The following RASA3 variants were observed in gnomAD, a reference collection of about 807,000 sequenced individuals.
RASA3 encodes RAS p21 protein activator 3, also known as ras GTPase-activating protein 3.
Under a neutral mutation model 110.0 loss-of-function variants are expected in RASA3, and 73 were observed. The ratio of observed to expected loss-of-function variants is 0.66; its 90% confidence interval spans 0.55 to 0.81. RASA3 has a LOEUF of 0.81. Among genes scored for constraint, RASA3 ranks in the 30% least tolerant of loss-of-function variants. RASA3 has a pLI of 0.00. For synonymous variants in RASA3, 500 were observed against 451.4 expected (o/e 1.11, Z -1.37); for missense variants, 976 against 1,113.2 (o/e 0.88, Z 1.75).
chr13:114,125,371 G>A (rs1478756149), intron 1 of RASA3, among the ~76,000 whole-genome samples: 2 of 152,138 alleles, frequency 1.3e-5, no homozygotes, highest in Non-Finnish European at 2.9e-5. Context: ...GGGAGGCCTC[G>A]GGAAGCTTCC....
rs553830987 is a variant in RASA3, at chr13:114,088,475, G to T, written c.56-14638C>A. ...CCCCCTAGGGAAAGGAATGCCTGAA[G>T]AATCACACTTCGACTTCCTTATCTG... On this transcript the variant is annotated intron_variant, in intron 1 of 23. Transcript: ENST00000334062. 3.9e-5 allele frequency among the ~76,000 whole-genome samples: 6 copies of T among 152,248 alleles called. 1 individual carries two copies. The highest frequency in any genetic ancestry group is 1.4e-4 in the African/African-American group (6 of 41,540).
intron 1 of RASA3, among the ~76,000 whole-genome samples, chr13:114,105,077 C>T (rs1594461366): frequency 6.6e-6 from 1 of 152,074 alleles, no homozygotes; most frequent in African/African-American, 2.4e-5. Context: ...ACTATGACCT[C>T]CCCAAGCCCC....
At position 114,024,268 on chromosome 13, in the gene RASA3, G is replaced by A; in HGVS notation, c.680+11C>T. 1 of 1,613,570 alleles carries A rather than the reference G, an allele frequency of 6.2e-7. No individual in the cohort carries two copies. Among genetic ancestry groups the A allele is most frequent in the Non-Finnish European group, 8.5e-7 (1 of 1,179,556 alleles). ...CTGCCAAGTTGGGGACGCGGAGCCT[G>A]GTTTTCTCACCTGATTTCGAGCTTG... On this transcript the variant is annotated intron_variant, in intron 8 of 23. Coordinates refer to ENST00000334062, the MANE Select transcript of RASA3 (RefSeq NM_007368.4).
intron 4 of RASA3, among the ~76,000 whole-genome samples, chr13:114,030,180 G>A (rs1009430200): frequency 3.3e-5 from 5 of 152,264 alleles, no homozygotes; most frequent in Non-Finnish European, 7.3e-5. Context: ...CCGTGTAGGA[G>A]ACGGTCATTC....
At chr13:113,989,391 C>T (rs9590490) in intron 22 of RASA3, among the ~76,000 whole-genome samples, 5,992 of 143,900 alleles carry the variant, frequency 0.042, 450 homozygotes, top group African/African-American at 0.15. Flanking sequence ...CTCACCCATC[C>T]GTCCATCCAT....
chr13:114,046,162 G>T (rs914837723), intron 3 of RASA3, among the ~76,000 whole-genome samples: 2 of 152,246 alleles, frequency 1.3e-5, no homozygotes, highest in African/African-American at 4.8e-5. Context: ...TACAATGTAA[G>T]ACCTGCTATG....
In RASA3 at chr13:114,021,582, T is replaced by A. The variant is rs2053928367; in HGVS notation, c.681-74A>T. 6 of 1,238,212 alleles carry A rather than the reference T, an allele frequency of 4.8e-6. No individual in the cohort carries two copies. The African/African-American group carries it at 8.8e-5, about 18-fold the overall frequency. 76.7% of individuals were successfully genotyped at this position (1,238,212 alleles called of 1,614,324 possible). A position where few individuals can be genotyped will look rare whatever the true frequency, so the allele number is the denominator to read the frequency against. ...TGGAGCAAAGATGACAGGCCACGCT[T>A]TGTTCCCCCAGGAGCAGAATGGAGC... On this transcript the variant is annotated intron_variant, in intron 8 of 23. Coordinates refer to ENST00000334062, the MANE Select transcript of RASA3 (RefSeq NM_007368.4).
rs1004506034 is a variant in RASA3, at chr13:114,060,062, T to G, written c.174-7907A>C. Among the ~76,000 whole-genome samples the G allele has an allele frequency of 6.6e-5, 10 of 152,078 alleles. No individual in the cohort carries two copies. In the South Asian group the frequency reaches 2.1e-3, roughly 32 times the overall value. ...ACCCGCAGGAGGACAAGGGAACGCA[T>G]GAATGAGGCCATGGACGGCGCGGAG... On this transcript the variant is annotated intron_variant, in intron 2 of 23. Coordinates refer to ENST00000334062, the MANE Select transcript of RASA3 (RefSeq NM_007368.4).
intron 4 of RASA3, among the ~76,000 whole-genome samples, chr13:114,038,103 G>C (rs903853184): frequency 3.4e-4 from 51 of 151,224 alleles, no homozygotes; most frequent in Non-Finnish European, 6.2e-4. Context: ...GCAAGAAAGA[G>C]GAAAAGCTAC....
At chr13:114,131,098 G>C (rs1190499014) in intron 1 of RASA3, among the ~76,000 whole-genome samples, 1 of 152,244 alleles carries the variant, frequency 6.6e-6, no homozygotes, top group Non-Finnish European at 1.5e-5. Context: ...CCACATCCTA[G>C]CTGCAGCGCT....
Position 114,073,811 on chromosome 13 carries a change from G to C in RASA3, c.82C>G (p.Pro28Ala), listed in dbSNP as rs1471786994. 1 of 1,614,068 alleles carries C rather than the reference G, an allele frequency of 6.2e-7. No individual in the cohort carries two copies. Among genetic ancestry groups the C allele is most frequent in the Non-Finnish European group, 8.5e-7 (1 of 1,180,036 alleles). Residue 28 changes from proline to alanine, a missense_variant, in exon 2 of 24, where the codon CCG becomes GCG. Physicochemically the swap from Pro to Ala is conservative, Grantham distance 27. Around this residue, in one of 4 missense-constraint regions of RASA3, gnomAD observed 732 missense variants for 779.7 expected, o/e 0.94. Transcript: ENST00000334062. The part of the protein sequence containing the change: ...IGEAKNLPSY[P>A]GPSKMRDCYC... ...CAATCCCTCATCTTGCTCGGCCCCG[G>C]GTAAGAGGGAAGGTTTTTGGCTTCA...
At position 114,112,102 on chromosome 13, in the gene RASA3, C is replaced by CA. The variant is rs948555632; in HGVS notation, c.55+20332_55+20333insT. ...CTGGAAACAGCAGCCCCCAGGCACC[C>CA]CCCCCAGCAACTGGGACAAGGGCAC... On this transcript the variant is annotated intron_variant, in intron 1 of 23. Coordinates refer to ENST00000334062, the MANE Select transcript of RASA3 (RefSeq NM_007368.4). This position sits in a 1 kb window ranked among gnomAD's most constrained non-coding sequence, Gnocchi z 4.8. Among the ~76,000 whole-genome samples the CA allele has an allele frequency of 5.9e-5, 9 of 151,700 alleles. No homozygotes were observed. Among genetic ancestry groups the CA allele is most frequent in the Non-Finnish European group, 2.9e-5 (2 of 67,922 alleles).
intron 1 of RASA3, among the ~76,000 whole-genome samples, chr13:114,104,372 C>T (rs1400975402): frequency 6.6e-6 from 1 of 151,958 alleles, no homozygotes; most frequent in Non-Finnish European, 1.5e-5. Context: ...TCCACACTGC[C>T]CCAGCCACAG....
In RASA3 at chr13:114,041,035, G is replaced by C. The variant is rs2054394495; in HGVS notation, c.337C>G (p.Gln113Glu). The change falls in exon 4 of 24, where the codon CAG becomes GAG. Residue 113 changes from glutamine (Q) to glutamate (E), a missense_variant. Gln to Glu is a conservative substitution (Grantham distance 29). Transcript: ENST00000334062. ...GAGTCAGCGTCCACGTGCTGCAGCTGGAACCAGGTGTCCCTGTTGTGGTAC... is the reference window on the plus strand; with the variant it reads ...GAGTCAGCGTCCACGTGCTGCAGCTCGAACCAGGTGTCCCTGTTGTGGTAC... ...QKYHNRDTWF[Q>E]LQHVDADSEV... 6.2e-7 allele frequency: 1 copy of C among 1,613,706 alleles called. No homozygotes were observed. The highest frequency in any genetic ancestry group is 1.3e-5 in the African/African-American group (1 of 74,946).
intron 18 of RASA3, 27 bp from the exon 19 acceptor site, chr13:114,000,959 G>A (rs891233236): frequency 4.6e-6 from 7 of 1,521,206 alleles, no homozygotes; most frequent in South Asian, 4.5e-5. Context: ...CAGGGCCGGG[G>A]TCCGGGCCTC....
chr13:114,013,878 A>T (rs1249329524), intron 14 of RASA3, among the ~76,000 whole-genome samples: 1 of 28,222 alleles, frequency 3.5e-5, no homozygotes, highest in African/African-American at 2.0e-4. Flanking sequence ...CTCTCTCCCT[A>T]TCTCTGTCTC....
At chr13:114,069,051 G>T (rs1393534823) in intron 2 of RASA3, among the ~76,000 whole-genome samples, 1 of 152,210 alleles carries the variant, frequency 6.6e-6, no homozygotes, top group East Asian at 1.9e-4. Flanking sequence ...GCGGCCCAGG[G>T]GCCCGGGCCA....
intron 22 of RASA3, among the ~76,000 whole-genome samples, chr13:113,989,551 C>CATCCACCCATCACTCATCCATCT (rs1231405491): frequency 4.0e-5 from 6 of 151,508 alleles, no homozygotes; most frequent in African/African-American, 1.5e-4. Flanking sequence ...CCCATCCTTC[C>CATCCACCCATCACTCATCCATCT]ATCCACCCAT....
intron 16 of RASA3, among the ~76,000 whole-genome samples, chr13:114,009,743 C>A (rs2053591780): frequency 6.6e-6 from 1 of 152,364 alleles, no homozygotes; most frequent in African/African-American, 2.4e-5. Flanking sequence ...GGCTGTCCCT[C>A]ACACCTGGGT....
Sources: gnomAD v4.1 joint callset for allele counts (sites outside exome capture counted in the v4.1 genomes callset) on GRCh38, gnomAD v4.1.1 for gene constraint, gnomAD v4.1.1 regional missense constraint, Gnocchi (gnomAD v3.1) non-coding constraint, MANE v1.5 for transcripts, NCBI Gene and HGNC (gene_info 2026-07-23, HGNC 2026-07-21) for gene names.